The following HOXC6 variants were observed in gnomAD, a reference collection of about 807,000 sequenced individuals.
HOXC6 encodes homeobox C6.
In HOXC6, 10 loss-of-function variants were observed where a neutral mutation model predicts 24.0. That is an observed-to-expected ratio of 0.42 (90% CI 0.26 to 0.71). HOXC6 has a LOEUF of 0.71. Among genes scored for constraint, HOXC6 ranks in the 30% least tolerant of loss-of-function variants. HOXC6 has a pLI of 0.28. For missense variants in HOXC6, 258 were observed against 303.4 expected (o/e 0.85, Z 1.11); for synonymous variants, 123 against 128.1 (o/e 0.96, Z 0.27).
intron 1 of HOXC6, 56 bp downstream of exon 1, chr12:54,028,977 G>A (rs1940858430): frequency 6.6e-6 from 10 of 1,507,252 alleles, no homozygotes; most frequent in Non-Finnish European, 8.9e-6. Context: ...CTTTATGACC[G>A]GCTTCCCTAG....
upstream of HOXC6, among the ~76,000 whole-genome samples, chr12:54,024,192 G>T (rs546370394): frequency 1.3e-5 from 2 of 152,280 alleles, no homozygotes; most frequent in African/African-American, 4.8e-5. Flanking sequence ...CACAAAAGGG[G>T]CCAGCGGGGC....
chr12:54,023,822 C>T (rs1940559040), upstream of HOXC6, among the ~76,000 whole-genome samples: 1 of 152,122 alleles, frequency 6.6e-6, no homozygotes, highest in Admixed American at 6.5e-5. Context: ...GACAGCTTCC[C>T]CCATCATATC....
chr12:54,029,881 C>A lies in HOXC6; in HGVS notation c.627C>A (p.Gly209=). 4 of 1,611,678 alleles carry A rather than the reference C, an allele frequency of 2.5e-6. No individual in the cohort carries two copies. The highest frequency in any genetic ancestry group is 3.4e-6 in the Non-Finnish European group (4 of 1,178,710). Residue 209 remains glycine, a synonymous_variant, in exon 2 of 2, where the codon GGC becomes GGA. Coordinates refer to ENST00000243108, the MANE Select transcript of HOXC6 (RefSeq NM_004503.4). ...ESNLTSTLSG[G]GGGATADSLG... ...ATCTCACATCCACTCTCTCGGGGGGCGGCGGAGGGGCCACCGCCGACAGCC... is the reference window on the plus strand; with the variant it reads ...ATCTCACATCCACTCTCTCGGGGGGAGGCGGAGGGGCCACCGCCGACAGCC...
In HOXC6 at chr12:54,029,892, C is replaced by T; in HGVS notation, c.638C>T (p.Ala213Val). 1 of 1,604,008 alleles carries T rather than the reference C, an allele frequency of 6.2e-7. No individual in the cohort carries two copies. ...ACTCTCTCGGGGGGCGGCGGAGGGG[C>T]CACCGCCGACAGCCTGGGCGGAAAA... The part of the protein sequence containing the change: ...TSTLSGGGGG[A>V]TADSLGGKEE... Residue 213 changes from alanine (A) to valine (V), a missense_variant, in exon 2 of 2, where the codon GCC becomes GTC. By Grantham distance (64) the Ala-to-Val change is moderately conservative. Coordinates refer to ENST00000243108, the MANE Select transcript of HOXC6 (RefSeq NM_004503.4).
chr12:54,029,900 G>T lies in HOXC6; in HGVS notation c.646G>T (p.Asp216Tyr). ...LSGGGGGATA[D>Y]SLGGKEEKRE... ...GGGGGGCGGCGGAGGGGCCACCGCC[G>T]ACAGCCTGGGCGGAAAAGAGGAAAA... Residue 216 changes from aspartate to tyrosine, a missense_variant, in exon 2 of 2, where the codon GAC (aspartate) becomes TAC (tyrosine). By Grantham distance (160) the Asp-to-Tyr change is radical. Coordinates refer to ENST00000243108, the MANE Select transcript of HOXC6 (RefSeq NM_004503.4). 6.2e-7 allele frequency: 1 copy of T among 1,609,968 alleles called. No individual in the cohort carries two copies.
At chr12:54,024,241 G>A (rs1940582311), upstream of HOXC6, among the ~76,000 whole-genome samples, 2 of 152,100 alleles carry the variant, frequency 1.3e-5, no homozygotes, top group Admixed American at 1.3e-4. Flanking sequence ...AGACTTGGGG[G>A]TGGTGGGGGC....
At chr12:54,018,010 G>C (rs900094291) in intron 1 of HOXC6, among the ~76,000 whole-genome samples, 18 of 152,332 alleles carry the variant, frequency 1.2e-4, no homozygotes, top group Admixed American at 6.5e-4. Flanking sequence ...GGCGGCCGGC[G>C]GGGCCTGTTA....
rs553588814 is a variant in HOXC6 at position 54,030,131 on chromosome 12, C to T, written c.*169C>T. ...TGAAAGTCAGCTCTGGACCCCCTCC[C>T]TCACCGCACAACTCTCTTTCACCAC... On this transcript the variant is annotated 3_prime_UTR_variant, in exon 2 of 2. Transcript: ENST00000243108. 121 of 624,424 alleles carry T rather than the reference C, an allele frequency of 1.9e-4. 1 individual carries two copies. In the South Asian group the frequency reaches 2.0e-3, roughly 10 times the overall value. 38.7% of individuals were successfully genotyped at this position (624,424 alleles called of 1,614,324 possible).
intron 1 of HOXC6, chr12:54,020,610 T>C (rs1200352928): frequency 2.0e-5 from 3 of 152,204 alleles, no homozygotes; most frequent in Non-Finnish European, 4.4e-5. Flanking sequence ...CATATTTCCT[T>C]GGTGGTTAAT....
rs200362917 is a variant in HOXC6, at chr12:54,028,945, T to C, written c.400+24T>C. On this transcript the variant is annotated intron_variant, in intron 1 of 1. Transcript: ENST00000243108. ...TGGTGAGTTTTACAGCTCCGAGATA[T>C]AAATTAAATAAACTGAACTGGCTTT... is the stretch of plus-strand genomic sequence containing the variant. 148 of 1,578,972 alleles carry C rather than the reference T, an allele frequency of 9.4e-5. No individual in the cohort carries two copies. The African/African-American group carries it at 1.9e-3, about 20-fold the overall frequency.
At chr12:54,024,272 G>T (rs543719901), upstream of HOXC6, among the ~76,000 whole-genome samples, 3 of 152,158 alleles carry the variant, frequency 2.0e-5, no homozygotes, top group Non-Finnish European at 4.4e-5. Flanking sequence ...AGCTGCGGTC[G>T]CGTCCAGGCA....
upstream of HOXC6, among the ~76,000 whole-genome samples, chr12:54,026,937 C>T (rs1940731648): frequency 2.3e-5 from 3 of 127,704 alleles, no homozygotes; most frequent in Non-Finnish European, 5.0e-5. Context: ...AGCCAGCTTT[C>T]CCCCCCCCCA....
At chr12:54,022,638 TAAC>T (rs1940502154) in intron 1 of HOXC6, 1 of 151,842 alleles carries the variant, frequency 6.6e-6, no homozygotes, top group Admixed American at 6.6e-5. Flanking sequence ...TTCCAGAACA[TAAC>T]AACATTTTAT....
In HOXC6 at chr12:54,028,569, G is replaced by A; in HGVS notation, c.48G>A (p.Gly16=). The change falls in exon 1 of 2, where the codon GGG becomes GGA. Residue 16 remains glycine, a synonymous_variant. Transcript: ENST00000243108. The stretch of plus-strand genomic sequence containing the variant: ...CTTCCTTATCCTGCCACCTCGCCGG[G>A]GGCCAGGACGTCCTCCCCAACGTCG... The part of the protein sequence containing the change: ...TNPSLSCHLA[G]GQDVLPNVAL... 11 of 1,614,042 alleles carry A rather than the reference G, an allele frequency of 6.8e-6. No individual in the cohort carries two copies. Among genetic ancestry groups the A allele is most frequent in the Non-Finnish European group, 9.3e-6 (11 of 1,180,000 alleles).
chr12:54,029,779 C>T lies in HOXC6; in HGVS notation c.525C>T (p.Ala175=), dbSNP rs151083984. ...CGCGGCGCCGGCGCATCGAGATCGC[C>T]AACGCGCTTTGCCTGACCGAGCGAC... The part of the protein sequence containing the change: ...YLTRRRRIEI[A]NALCLTERQI... The change falls in exon 2 of 2, where the codon GCC becomes GCT. Residue 175 remains alanine, a synonymous_variant. Coordinates refer to ENST00000243108, the MANE Select transcript of HOXC6 (RefSeq NM_004503.4). 11,884 of 1,614,108 alleles carry T rather than the reference C, an allele frequency of 7.4e-3. 60 individuals carry two copies. The highest frequency in any genetic ancestry group is 8.5e-3 in the Non-Finnish European group (10,032 of 1,180,024).
chr12:54,030,173 G>A lies in HOXC6; in HGVS notation c.*211G>A, dbSNP rs1388938197. On this transcript the variant is annotated 3_prime_UTR_variant, in exon 2 of 2. Coordinates refer to ENST00000243108, the MANE Select transcript of HOXC6 (RefSeq NM_004503.4). Reference sequence around the variant, plus strand: ...TTTCACCACGCGCCTCCTCCTCCTCGCTCCCTTGCTAGCTCGTTCTCGGCT... The same window carrying A: ...TTTCACCACGCGCCTCCTCCTCCTCACTCCCTTGCTAGCTCGTTCTCGGCT... The A allele has an allele frequency of 9.8e-6, 5 of 508,234 alleles. No individual in the cohort carries two copies. In the East Asian group the frequency reaches 1.3e-4, roughly 13 times the overall value. 31.5% of individuals were successfully genotyped at this position (508,234 alleles called of 1,614,324 possible).
chr12:54,029,699 T>A lies in HOXC6; in HGVS notation c.445T>A (p.Ser149Thr), dbSNP rs1565742276. 1.2e-6 allele frequency: 2 copies of A among 1,614,012 alleles called. No individual in the cohort carries two copies. The highest frequency in any genetic ancestry group is 4.5e-5 in the East Asian group (2 of 44,872). ...CCGGAGGCGCGGCCGCCAGATCTAC[T>A]CGCGGTACCAGACCCTGGAACTGGA... is the stretch of plus-strand genomic sequence containing the variant. ...ADRRRGRQIY[S>T]RYQTLELEKE... Residue 149 changes from serine to threonine, a missense_variant, in exon 2 of 2, where the codon TCG becomes ACG. By Grantham distance (58) the Ser-to-Thr change is moderately conservative (BLOSUM62 1). Coordinates refer to ENST00000243108, the MANE Select transcript of HOXC6 (RefSeq NM_004503.4).
chr12:54,028,477 A>G lies in HOXC6; in HGVS notation c.-45A>G. The G allele has an allele frequency of 6.3e-7, 1 of 1,578,772 alleles. No homozygotes were observed. ...TTCCGAGTACAAACTGGAGACAGAAATAAATATTAAAGAAATCATAGACCG... is the reference window on the plus strand; with the variant it reads ...TTCCGAGTACAAACTGGAGACAGAAGTAAATATTAAAGAAATCATAGACCG... On this transcript the variant is annotated 5_prime_UTR_variant, in exon 1 of 2. Transcript: ENST00000243108.
intron 1 of HOXC6, among the ~76,000 whole-genome samples, chr12:54,018,101 C>T (rs959318746): frequency 6.6e-6 from 1 of 152,064 alleles, no homozygotes; most frequent in Non-Finnish European, 1.5e-5. Flanking sequence ...CTCCCGCCCC[C>T]ACTCGGGCGG....
Sources: gnomAD v4.1 joint callset for allele counts (sites outside exome capture counted in the v4.1 genomes callset) on GRCh38, gnomAD v4.1.1 for gene constraint, MANE v1.5 for transcripts, NCBI Gene and HGNC (gene_info 2026-07-23, HGNC 2026-07-21) for gene names.